The following USP14 variants were observed in gnomAD, a reference collection of about 807,000 sequenced individuals.
The protein encoded by USP14 is ubiquitin carboxyl-terminal hydrolase 14.
Under a neutral mutation model 76.5 loss-of-function variants are expected in USP14, and 38 were observed. The observed-to-expected ratio is 0.50, with a 90% CI of 0.38 to 0.65. The LOEUF (loss-of-function observed/expected upper bound fraction) is 0.65, where lower values mean the gene tolerates loss of function less well. Ranked by LOEUF, USP14 falls within the 30% of genes least tolerant of loss-of-function variation. USP14 has a pLI of 0.00. For missense variants in USP14, 467 were observed against 586.5 expected (o/e 0.80, Z 2.10); for synonymous variants, 192 against 191.7 (o/e 1.00, Z -0.01).
At position 213,929 on chromosome 18, in the gene USP14, T is replaced by TAA. The variant is rs574424143; in HGVS notation, c.*2647_*2648dup. On this transcript the variant is annotated 3_prime_UTR_variant, in exon 16 of 16. Coordinates refer to ENST00000261601, the MANE Select transcript of USP14 (RefSeq NM_005151.4). The stretch of plus-strand genomic sequence containing the variant: ...GTGAGGTTTTAGACTTCATTTCTTT[T>TAA]AAAGTTGGCAAACAAACATTTTCTG... 9.9e-5 allele frequency: 15 copies of TAA among 152,128 alleles called. No homozygotes were observed. Among genetic ancestry groups the TAA allele is most frequent in the Admixed American group, 2.6e-4 (4 of 15,270 alleles). 9.4% of individuals were successfully genotyped at this position (152,128 alleles called of 1,614,324 possible).
chr18:178,183 C>T (rs555618297), intron 3 of USP14, among the ~76,000 whole-genome samples: 18 of 152,186 alleles, frequency 1.2e-4, no homozygotes, highest in African/African-American at 4.1e-4. Flanking sequence ...CTATGCCCAG[C>T]TAATATTGGT....
chr18:172,768 A>G (rs1405882328), intron 3 of USP14, among the ~76,000 whole-genome samples: 2 of 152,084 alleles, frequency 1.3e-5, no homozygotes, highest in Non-Finnish European at 2.9e-5. Flanking sequence ...ATTCCTTTTT[A>G]GACATAATGC....
chr18:210,415 G>T lies in USP14; in HGVS notation c.1255G>T (p.Asp419Tyr). The change falls in exon 15 of 16, where the codon GAC (aspartate) becomes TAC (tyrosine). Residue 419 changes from aspartate (D) to tyrosine (Y), a missense_variant. Asp to Tyr is a radical substitution (Grantham distance 160). Coordinates refer to ENST00000261601, the MANE Select transcript of USP14 (RefSeq NM_005151.4). ...TGGCTCCAATAATTGTGGATACTAT[G>T]ACTTACAAGCAGTACTAACACACCA... ...DIGSNNCGYY[D>Y]LQAVLTHQGR... 2 of 1,608,532 alleles carry T rather than the reference G, an allele frequency of 1.2e-6. No homozygotes were observed. The highest frequency in any genetic ancestry group is 2.2e-5 in the South Asian group (2 of 89,470).
intron 6 of USP14, among the ~76,000 whole-genome samples, chr18:193,304 T>C (rs561715027): frequency 2.6e-5 from 4 of 152,218 alleles, no homozygotes; most frequent in Admixed American, 2.6e-4. Context: ...AGGATAGAAA[T>C]AACTGGTTTC....
intron 5 of USP14, among the ~76,000 whole-genome samples, chr18:181,186 A>G (rs1408317147): frequency 3.3e-5 from 5 of 152,192 alleles, no homozygotes; most frequent in Non-Finnish European, 7.3e-5. Context: ...TTTGGCTGTT[A>G]TGAGTAATGC....
chr18:196,330 A>C (rs1567833926), intron 6 of USP14, among the ~76,000 whole-genome samples: 1 of 151,866 alleles, frequency 6.6e-6, no homozygotes, highest in East Asian at 2.0e-4. Flanking sequence ...GAGCCTGGCC[A>C]GCATGGTGAA....
At chr18:202,029 AAATC>A (rs1910396685) in intron 10 of USP14, among the ~76,000 whole-genome samples, 1 of 152,260 alleles carries the variant, frequency 6.6e-6, no homozygotes, top group African/African-American at 2.4e-5. Context: ...TAATTTTAAA[AAATC>A]AGACTTTAAA....
intron 5 of USP14, among the ~76,000 whole-genome samples, chr18:186,751 C>CA (rs546501068): frequency 4.3e-4 from 62 of 145,224 alleles, no homozygotes; most frequent in South Asian, 1.1e-3. Flanking sequence ...GACTGTGTCT[C>CA]AAAAAAAAAA....
At chr18:174,087 C>T (rs1909553646) in intron 3 of USP14, among the ~76,000 whole-genome samples, 1 of 152,128 alleles carries the variant, frequency 6.6e-6, no homozygotes, top group Admixed American at 6.6e-5. Context: ...TCATTTTCTC[C>T]ATAAGAGTCT....
chr18:169,035 C>T (rs1909361674), intron 3 of USP14, among the ~76,000 whole-genome samples: 1 of 151,740 alleles, frequency 6.6e-6, no homozygotes, highest in Non-Finnish European at 1.5e-5. Flanking sequence ...TGAAATTGTG[C>T]CACTGTACTC....
Position 214,623 on chromosome 18 carries a change from A to C in USP14, c.*3339A>C. ...GTTTTAATAAAAAGAAAAAAAAAAG[A>C]AGCTAACTATTTGTCTCATTGTCAT... On this transcript the variant is annotated 3_prime_UTR_variant, in exon 16 of 16. Coordinates refer to ENST00000261601, the MANE Select transcript of USP14 (RefSeq NM_005151.4). 1.9e-6 allele frequency: 3 copies of C among 1,585,878 alleles called. No individual in the cohort carries two copies. The highest frequency in any genetic ancestry group is 2.2e-5 in the East Asian group (1 of 44,598).
At chr18:191,839 A>G (rs563200040) in intron 5 of USP14, among the ~76,000 whole-genome samples, 1 of 152,268 alleles carries the variant, frequency 6.6e-6, no homozygotes, top group South Asian at 2.1e-4. Context: ...TGTAGTATGT[A>G]CACATAGTTT....
intron 6 of USP14, among the ~76,000 whole-genome samples, chr18:195,820 C>G (rs1303078871): frequency 6.6e-6 from 1 of 152,150 alleles, no homozygotes; most frequent in Non-Finnish European, 1.5e-5. Flanking sequence ...TGTCCCTAAA[C>G]AGAGGTTATG....
At chr18:163,196 A>G in intron 1 of USP14, 112 bp from the exon 2 acceptor site, 1 of 970,872 alleles carries the variant, frequency 1.0e-6, no homozygotes, top group East Asian at 2.7e-5. Context: ...GGGCATAGAA[A>G]GATGAATGAC....
At chr18:202,974 A>G in intron 11 of USP14, 29 bp downstream of exon 11, 1 of 1,611,706 alleles carries the variant, frequency 6.2e-7, no homozygotes, top group Non-Finnish European at 8.5e-7. Context: ...TCGAAGCCAA[A>G]TTCCGCTTCA....
intron 3 of USP14, among the ~76,000 whole-genome samples, chr18:169,464 T>C (rs1330153436): frequency 6.6e-6 from 1 of 151,408 alleles, no homozygotes; most frequent in Non-Finnish European, 1.5e-5. Flanking sequence ...GTTTTTTCTG[T>C]TTGTTAAAAT....
At position 188,968 on chromosome 18, in the gene USP14, C is replaced by T. The variant is rs556773759; in HGVS notation, c.405-3874C>T. ...TGCTGGGATTACAGGCGTGAGCCAC[C>T]GTGCTTGGCCTTTGGGGTATTTTAA... On this transcript the variant is annotated intron_variant, in intron 5 of 15. Transcript: ENST00000261601. 1.5e-4 allele frequency among the ~76,000 whole-genome samples: 23 copies of T among 152,288 alleles called. No individual in the cohort carries two copies. The East Asian group carries it at 4.4e-3, about 29-fold the overall frequency.
intron 2 of USP14, among the ~76,000 whole-genome samples, chr18:164,956 A>T (rs568118126): frequency 5.8e-4 from 88 of 151,526 alleles, no homozygotes; most frequent in African/African-American, 1.5e-3. Flanking sequence ...TATTATTATT[A>T]TTTTTTTTGG....
chr18:178,506 A>C (rs1413209820), intron 3 of USP14, among the ~76,000 whole-genome samples: 1 of 152,210 alleles, frequency 6.6e-6, no homozygotes. Context: ...TTTGATGTAC[A>C]GTTTGATGAC....
Sources: allele counts gnomAD v4.1 joint callset (sites outside exome capture counted in the v4.1 genomes callset), GRCh38; gene constraint gnomAD v4.1.1; transcripts MANE v1.5; gene names NCBI Gene and HGNC (gene_info 2026-07-23, HGNC 2026-07-21).